The following CCDC91 variants were observed in gnomAD, a reference collection of about 807,000 sequenced individuals.
CCDC91 encodes coiled-coil domain containing 91.
CCDC91 carries 48 observed loss-of-function variants against 63.2 expected under a neutral mutation model. The ratio of observed to expected loss-of-function variants is 0.76; its 90% CI spans 0.60 to 0.97. CCDC91 has a LOEUF of 0.97. Among genes scored for constraint, CCDC91 ranks in the 50% least tolerant of loss-of-function variants. CCDC91 has a pLI of 0.00. For missense variants in CCDC91, 500 were observed against 494.6 expected, an observed-to-expected ratio of 1.01 and a Z score of -0.10; for synonymous variants, 167 against 165.8, an observed-to-expected ratio of 1.01 and a Z score of -0.06.
At chr12:28,394,350 C>T (rs1295434192) in intron 8 of CCDC91, among the ~76,000 whole-genome samples, 2 of 152,022 alleles carry the variant, frequency 1.3e-5, no homozygotes, top group Non-Finnish European at 2.9e-5. Flanking sequence ...CCTGTAGTCT[C>T]AGCTACTCCG....
intron 3 of CCDC91, among the ~76,000 whole-genome samples, chr12:28,271,729 A>G (rs1292987436): frequency 6.6e-6 from 1 of 151,868 alleles, no homozygotes; most frequent in Non-Finnish European, 1.5e-5. Context: ...TAAAACCTGA[A>G]ACTAATTAGT....
chr12:28,535,404 C>T (rs1177577185), intron 12 of CCDC91, among the ~76,000 whole-genome samples: 2 of 152,174 alleles, frequency 1.3e-5, no homozygotes. Flanking sequence ...TTCCCTTGCA[C>T]AACGCCATTT....
At chr12:28,291,977 C>T (rs2136809392) in intron 3 of CCDC91, among the ~76,000 whole-genome samples, 1 of 152,244 alleles carries the variant, frequency 6.6e-6, no homozygotes, top group African/African-American at 2.4e-5. Context: ...CTTGAACCAC[C>T]AATGCACTGT....
chr12:28,355,109 A>AT (rs370037477), intron 6 of CCDC91, among the ~76,000 whole-genome samples: 4 of 143,350 alleles, frequency 2.8e-5, no homozygotes, highest in East Asian at 2.0e-4. Context: ...TCTGCCTTCT[A>AT]TTTTTTTTTC....
chr12:28,353,182 C>T (rs1301778658), intron 6 of CCDC91, among the ~76,000 whole-genome samples: 2 of 152,232 alleles, frequency 1.3e-5, no homozygotes, highest in Non-Finnish European at 2.9e-5. Context: ...TCCACAGCTT[C>T]CTAACCTTTC....
At chr12:28,298,027 G>A (rs1949659326) in intron 3 of CCDC91, among the ~76,000 whole-genome samples, 1 of 151,834 alleles carries the variant, frequency 6.6e-6, no homozygotes, top group Admixed American at 6.6e-5. Context: ...TATGTGAATT[G>A]TAGCATAGCA....
intron 11 of CCDC91, among the ~76,000 whole-genome samples, chr12:28,467,850 T>C (rs1168891147): frequency 6.6e-6 from 1 of 152,000 alleles, no homozygotes; most frequent in Non-Finnish European, 1.5e-5. Context: ...AACAGTATGC[T>C]CCTCAATGAT....
intron 11 of CCDC91, among the ~76,000 whole-genome samples, chr12:28,465,369 A>C (rs1409407431): frequency 1.3e-5 from 2 of 152,038 alleles, no homozygotes; most frequent in Non-Finnish European, 2.9e-5. Context: ...GAGCAAACCG[A>C]AGTGGTAGCC....
At chr12:28,429,882 G>T (rs1196899448) in intron 8 of CCDC91, among the ~76,000 whole-genome samples, 1 of 151,908 alleles carries the variant, frequency 6.6e-6, no homozygotes, top group East Asian at 1.9e-4. Context: ...ATGCTCTCTT[G>T]TAGTCAATCT....
At chr12:28,195,905 G>A (rs962674527) in intron 1 of CCDC91, among the ~76,000 whole-genome samples, 1 of 152,150 alleles carries the variant, frequency 6.6e-6, no homozygotes, top group African/African-American at 2.4e-5. Flanking sequence ...AGGAGTTCAA[G>A]AGCAGCTTGG....
chr12:28,514,748 C>T (rs960401345), intron 12 of CCDC91, among the ~76,000 whole-genome samples: 11 of 151,824 alleles, frequency 7.2e-5, no homozygotes, highest in African/African-American at 2.7e-4. Context: ...ATAGGGAGTT[C>T]TTTCCCCATT....
intron 1 of CCDC91, among the ~76,000 whole-genome samples, chr12:28,245,518 A>C (rs1051431168): frequency 1.3e-5 from 2 of 152,194 alleles, no homozygotes; most frequent in African/African-American, 4.8e-5. Context: ...ATTTCTGTTC[A>C]TCAAAAGCTG....
intron 3 of CCDC91, among the ~76,000 whole-genome samples, chr12:28,266,907 A>G (rs1289427840): frequency 1.3e-5 from 2 of 151,282 alleles, no homozygotes; most frequent in Admixed American, 1.3e-4. Flanking sequence ...CTGGAAATAA[A>G]ACAAAATTTA....
At chr12:28,197,801 C>T (rs1235891736) in intron 1 of CCDC91, among the ~76,000 whole-genome samples, 1 of 151,964 alleles carries the variant, frequency 6.6e-6, no homozygotes, top group East Asian at 1.9e-4. Flanking sequence ...AATTTATATC[C>T]TCTTAAGTCT....
At chr12:28,474,843 A>G (rs1951001859) in intron 11 of CCDC91, among the ~76,000 whole-genome samples, 1 of 152,090 alleles carries the variant, frequency 6.6e-6, no homozygotes, top group Admixed American at 6.6e-5. Flanking sequence ...AGTGCAATCA[A>G]GCTAGAACTC....
Position 28,478,762 on chromosome 12 carries a change from A to G in CCDC91, c.1102-5290A>G, listed in dbSNP as rs1231861407. ...ATCTACAAAGAACTTCAACAAATTT[A>G]CAAGAGAAAATCAAACAACCCCATC... On this transcript the variant is annotated intron_variant, in intron 11 of 12. Transcript: ENST00000536442. Among the ~76,000 whole-genome samples, 19 of 152,186 alleles carry G rather than the reference A, an allele frequency of 1.2e-4. 1 individual carries two copies. Among genetic ancestry groups the G allele is most frequent in the Admixed American group, 1.2e-3 (19 of 15,260 alleles).
At chr12:28,340,772 A>G (rs568761432) in intron 6 of CCDC91, among the ~76,000 whole-genome samples, 4 of 152,150 alleles carry the variant, frequency 2.6e-5, no homozygotes, top group East Asian at 1.9e-4. Context: ...GTGTGTTATC[A>G]TGTGCTCTTT....
intron 6 of CCDC91, among the ~76,000 whole-genome samples, chr12:28,329,712 A>G (rs1045449827): frequency 2.6e-5 from 4 of 152,066 alleles, no homozygotes; most frequent in African/African-American, 9.7e-5. Context: ...GGTTTGCTGC[A>G]CCCATTAACT....
rs1339834577 is a variant in CCDC91, at chr12:28,273,200, T to G, written c.109+13758T>G. Among the ~76,000 whole-genome samples the G allele has an allele frequency of 7.9e-5, 12 of 152,284 alleles. No individual in the cohort carries two copies. The East Asian group carries it at 1.7e-3, about 22-fold the overall frequency. On this transcript the variant is annotated intron_variant, in intron 3 of 12. Coordinates refer to ENST00000536442, the MANE Select transcript of CCDC91 (RefSeq NM_018318.5). ...TTTTTTATGGCTGCATAGTATTCCA[T>G]GGTGTATATGTGCCACATTTTCTTA...
Sources: allele counts gnomAD v4.1 joint callset (sites outside exome capture counted in the v4.1 genomes callset), GRCh38; gene constraint gnomAD v4.1.1; transcripts MANE v1.5; gene names NCBI Gene and HGNC (gene_info 2026-07-23, HGNC 2026-07-21).